The following AR variants were observed in gnomAD, a reference collection of about 807,000 sequenced individuals.
AR encodes dihydrotestosterone receptor.
Under a neutral mutation model 53.9 loss-of-function variants are expected in AR, and 8 were observed. The ratio of observed to expected loss-of-function variants is 0.15; its 90% confidence interval spans 0.09 to 0.27. The LOEUF (loss-of-function observed/expected upper bound fraction) is 0.27, where lower values mean the gene tolerates loss of function less well. Ranked by LOEUF, AR falls within the 10% of genes least tolerant of loss-of-function variation. The probability of loss-of-function intolerance (pLI) is 1.00; values close to 1 mark genes in which losing one functional copy is unlikely to be tolerated. For missense variants in AR, 639 were observed against 742.5 expected, an observed-to-expected ratio of 0.86 and a Z score of 1.62; for synonymous variants, 359 against 316.4, an observed-to-expected ratio of 1.13 and a Z score of -1.43.
At chrX:67,690,281 G>A (rs945249737) in intron 3 of AR, among the ~76,000 whole-genome samples, 9 of 111,942 alleles carry the variant, frequency 8.0e-5, no homozygotes, top group Non-Finnish European at 1.3e-4. Flanking sequence ...CATATCTACA[G>A]GTTTTGACAA....
At chrX:67,673,305 T>C (rs1384691848) in intron 2 of AR, among the ~76,000 whole-genome samples, 3 of 110,100 alleles carry the variant, frequency 2.7e-5, no homozygotes, top group African/African-American at 9.9e-5. Flanking sequence ...TCTCTAGGTT[T>C]GGGAAGTTCT....
intron 2 of AR, among the ~76,000 whole-genome samples, chrX:67,673,376 T>TCC (rs1225334904): frequency 1.9e-3 from 204 of 108,118 alleles, no homozygotes; most frequent in Non-Finnish European, 2.9e-3. Flanking sequence ...TCTGTCTCTC[T>TCC]CTCTCTCTCT....
At chrX:67,580,506 A>G (rs1278695458) in intron 1 of AR, among the ~76,000 whole-genome samples, 6 of 111,613 alleles carry the variant, frequency 5.4e-5, no homozygotes, top group Non-Finnish European at 1.1e-4. Context: ...TTCTGGCCAC[A>G]GGATGGAAAG....
At chrX:67,642,340 C>G (rs1265168628) in intron 1 of AR, among the ~76,000 whole-genome samples, 1 of 111,591 alleles carries the variant, frequency 9.0e-6, no homozygotes, top group Non-Finnish European at 1.9e-5. Flanking sequence ...GAATTTTTTA[C>G]TATAGGAGAC....
intron 2 of AR, 192 bp from the exon 3 acceptor site, chrX:67,685,818 A>T (rs2075963015): frequency 5.0e-6 from 3 of 598,547 alleles, no homozygotes; most frequent in Non-Finnish European, 7.5e-6. Flanking sequence ...TGGAAATCAA[A>T]CAATATAGTG....
chrX:67,679,528 G>A (rs1252590342), intron 2 of AR, among the ~76,000 whole-genome samples: 2 of 111,389 alleles, frequency 1.8e-5, no homozygotes. Context: ...GGAATTCCTA[G>A]AAGTTTATAC....
chrX:67,618,917 G>A (rs189715425), intron 1 of AR, among the ~76,000 whole-genome samples: 1 of 111,715 alleles, frequency 9.0e-6, no homozygotes. Context: ...GATTGTGAAG[G>A]TATTGAGATA....
intron 3 of AR, among the ~76,000 whole-genome samples, chrX:67,705,515 A>G (rs2076062652): frequency 8.9e-6 from 1 of 111,757 alleles, no homozygotes; most frequent in African/African-American, 3.3e-5. Context: ...GACTTTGCTG[A>G]AGTTGCTTAT....
At chrX:67,611,219 CA>C (rs750739765) in intron 1 of AR, among the ~76,000 whole-genome samples, 3 of 111,648 alleles carry the variant, frequency 2.7e-5, no homozygotes, top group Non-Finnish European at 5.7e-5. Flanking sequence ...CCAAAAATTG[CA>C]AATATTGGAT....
In AR at chrX:67,724,698, C is replaced by G. The variant is rs1289381370; in HGVS notation, c.*857C>G. On this transcript the variant is annotated 3_prime_UTR_variant, in exon 8 of 8. Coordinates refer to ENST00000374690, the MANE Select transcript of AR (RefSeq NM_000044.6). ...AATGTGCTTGTTGTTGAAAATTTGTCTGCATGTTAATGCCTCACCCCCAAA... is the reference window on the plus strand; with the variant it reads ...AATGTGCTTGTTGTTGAAAATTTGTGTGCATGTTAATGCCTCACCCCCAAA... 5.8e-6 allele frequency: 1 copy of G among 173,896 alleles called. No homozygotes were observed. 14.3% of individuals were successfully genotyped at this position (173,896 alleles called of 1,213,427 possible). A position where few individuals can be genotyped will look rare whatever the true frequency, so the allele number is the denominator to read the frequency against.
At position 67,726,758 on chromosome X, in the gene AR, T is replaced by C; in HGVS notation, c.*2917T>C. On this transcript the variant is annotated 3_prime_UTR_variant, in exon 8 of 8. Transcript: ENST00000374690. ...GAGGATTTTTTTTTTCTTTTGGCCA[T>C]TGATGTTCTAGCCAATGTAATTGAC... The C allele has an allele frequency of 5.7e-6, 1 of 174,933 alleles. No homozygotes were observed. The highest frequency in any genetic ancestry group is 1.1e-5 in the Non-Finnish European group (1 of 91,273). The allele number at this position is 174,933 out of a possible 1,213,427, so 14.4% of individuals were successfully genotyped here.
At chrX:67,638,971 C>T (rs1925601390) in intron 1 of AR, among the ~76,000 whole-genome samples, 1 of 107,540 alleles carries the variant, frequency 9.3e-6, no homozygotes, top group Admixed American at 9.8e-5. Context: ...TCTTACGTGA[C>T]TCATCTTGAT....
At chrX:67,684,843 T>C (rs1032045144) in intron 2 of AR, among the ~76,000 whole-genome samples, 4 of 111,374 alleles carry the variant, frequency 3.6e-5, no homozygotes, top group Admixed American at 9.6e-5. Flanking sequence ...GGAAAGCTGA[T>C]GTATAGTTAA....
At chrX:67,660,268 T>C (rs1363635518) in intron 2 of AR, among the ~76,000 whole-genome samples, 1 of 112,243 alleles carries the variant, frequency 8.9e-6, no homozygotes, top group Non-Finnish European at 1.9e-5. Context: ...TTTTGGTGTT[T>C]TAGACATGAA....
At chrX:67,672,698 G>T (rs1014024823) in intron 2 of AR, among the ~76,000 whole-genome samples, 1 of 110,500 alleles carries the variant, frequency 9.0e-6, no homozygotes, top group East Asian at 2.9e-4. Flanking sequence ...ACATCTTATT[G>T]TACTGTTTAT....
At chrX:67,670,697 A>G (rs1243656791) in intron 2 of AR, among the ~76,000 whole-genome samples, 2 of 110,355 alleles carry the variant, frequency 1.8e-5, no homozygotes, top group Non-Finnish European at 3.8e-5. Flanking sequence ...TGCTGCACCC[A>G]TCAACCTGCC....
At chrX:67,680,596 A>C in intron 2 of AR, 1 of 294,791 alleles carries the variant, frequency 3.4e-6, no homozygotes, top group South Asian at 3.2e-5. Context: ...GAGAAATACT[A>C]CATTCTTCAG....
intron 2 of AR, among the ~76,000 whole-genome samples, chrX:67,672,628 A>T (rs773915539): frequency 1.8e-5 from 2 of 111,478 alleles, no homozygotes; most frequent in Non-Finnish European, 3.8e-5. Flanking sequence ...GAGAAAACTA[A>T]TAAAAACTCT....
At chrX:67,608,783 G>A (rs1473961764) in intron 1 of AR, among the ~76,000 whole-genome samples, 2 of 111,709 alleles carry the variant, frequency 1.8e-5, no homozygotes, top group Admixed American at 1.9e-4. Context: ...CCATGAACAT[G>A]TGTTTTTATA....
Sources: gnomAD v4.1 joint callset for allele counts (sites outside exome capture counted in the v4.1 genomes callset) on GRCh38, gnomAD v4.1.1 for gene constraint, MANE v1.5 for transcripts, NCBI Gene and HGNC (gene_info 2026-07-23, HGNC 2026-07-21) for gene names.